Variants in ACSL5 observed in about 807,000 individuals in gnomAD.
ACSL5 encodes the protein long-chain-fatty-acid--CoA ligase 5.
Under a neutral mutation model 84.9 loss-of-function variants are expected in ACSL5, and 50 were observed. That is an observed-to-expected ratio of 0.59 (90% CI 0.47 to 0.75). ACSL5 has a LOEUF of 0.75. Among genes scored for constraint, ACSL5 ranks in the 30% least tolerant of loss-of-function variants. ACSL5 has a pLI of 0.00. For synonymous variants in ACSL5, 280 were observed against 300.7 expected (o/e 0.93, Z 0.71); for missense variants, 775 against 830.4 (o/e 0.93, Z 0.82).
At chr10:112,397,125 G>C (rs1843764204) in intron 2 of ACSL5, among the ~76,000 whole-genome samples, 2 of 151,586 alleles carry the variant, frequency 1.3e-5, no homozygotes, top group South Asian at 4.2e-4. Flanking sequence ...TGATCCTGTA[G>C]ATCCAGCTGA....
intron 6 of ACSL5, 56 bp from the exon 7 acceptor site, chr10:112,409,451 C>T: frequency 6.5e-7 from 1 of 1,538,004 alleles, no homozygotes; most frequent in Non-Finnish European, 8.9e-7. Context: ...TCTTGCAAGG[C>T]AATCAGGTAC....
At chr10:112,385,181 A>C (rs1487636828) in intron 1 of ACSL5, among the ~76,000 whole-genome samples, 1 of 152,240 alleles carries the variant, frequency 6.6e-6, no homozygotes, top group African/African-American at 2.4e-5. Context: ...TAACTCTTTT[A>C]ATCATGGTGA....
chr10:112,377,142 C>A (rs1849256690), intron 1 of ACSL5, among the ~76,000 whole-genome samples: 1 of 151,792 alleles, frequency 6.6e-6, no homozygotes, highest in East Asian at 1.9e-4. Flanking sequence ...GGCTTGGTAC[C>A]TTCTGAGATA....
At chr10:112,381,665 CAAAAA>C (rs35097669) in intron 1 of ACSL5, among the ~76,000 whole-genome samples, 9 of 104,802 alleles carry the variant, frequency 8.6e-5, no homozygotes, top group South Asian at 3.3e-4. Flanking sequence ...GAGACTGTCT[CAAAAA>C]AAAAAAAAAA....
chr10:112,412,299 C>G, intron 11 of ACSL5: 1 of 257,872 alleles, frequency 3.9e-6, no homozygotes, highest in Non-Finnish European at 7.3e-6. Context: ...ACATTGTCTT[C>G]TTTTTAAATT....
Position 112,427,663 on chromosome 10 carries a change from T to C in ACSL5, c.*305T>C, listed in dbSNP as rs1256063018. 2 of 193,104 alleles carry C rather than the reference T, an allele frequency of 1.0e-5. No homozygotes were observed. The highest frequency in any genetic ancestry group is 4.7e-5 in the African/African-American group (2 of 42,992). The allele number at this position is 193,104 out of a possible 1,614,324, so 12.0% of individuals were successfully genotyped here. A position where few individuals can be genotyped will look rare whatever the true frequency, so the allele number is the denominator to read the frequency against. ...CCTTCCTCATGATTTCCAACCTTAA[T>C]ACTATTAGTAACCACAAGTTCAAGG... is the stretch of plus-strand genomic sequence containing the variant. On this transcript the variant is annotated 3_prime_UTR_variant, in exon 21 of 21. Coordinates refer to ENST00000354655, the MANE Select transcript of ACSL5 (RefSeq NM_203379.2).
At chr10:112,415,845 A>G (rs1844301864) in intron 12 of ACSL5, among the ~76,000 whole-genome samples, 1 of 152,202 alleles carries the variant, frequency 6.6e-6, no homozygotes, top group Non-Finnish European at 1.5e-5. Context: ...TGAAAGCCAG[A>G]TAAGAGTTCA....
At chr10:112,385,566 T>G (rs1288926397) in intron 1 of ACSL5, among the ~76,000 whole-genome samples, 1 of 152,230 alleles carries the variant, frequency 6.6e-6, no homozygotes, top group African/African-American at 2.4e-5. Context: ...ATCTGCATTC[T>G]TAAGAACTAT....
At position 112,425,456 on chromosome 10, in the gene ACSL5, T is replaced by G; in HGVS notation, c.1712T>G (p.Ile571Ser). 6.2e-7 allele frequency: 1 copy of G among 1,612,722 alleles called. No individual in the cohort carries two copies. The highest frequency in any genetic ancestry group is 1.1e-5 in the South Asian group (1 of 90,824). Residue 571 changes from isoleucine to serine, a missense_variant, in exon 18 of 21, where the codon ATT becomes AGT. Coordinates refer to ENST00000354655, the MANE Select transcript of ACSL5 (RefSeq NM_203379.2). ...IYNRSQPVLQ[I>S]FVHGESLRSS... ...AACAGGAGTCAACCAGTGTTACAAA[T>G]TTTTGTACACGGGGAGAGCTTACGG...
intron 1 of ACSL5, chr10:112,376,368 G>A: frequency 1.2e-6 from 2 of 1,614,154 alleles, no homozygotes; most frequent in South Asian, 2.2e-5. Flanking sequence ...AAGAAGGACA[G>A]GGACTCGTGT....
chr10:112,409,198 T>C, intron 6 of ACSL5: 1 of 276,884 alleles, frequency 3.6e-6, no homozygotes, highest in South Asian at 1.0e-4. Flanking sequence ...AATAAAACAG[T>C]GATAGAACCA....
intron 11 of ACSL5, chr10:112,412,294 G>A (rs1589692161): frequency 7.3e-6 from 2 of 273,154 alleles, no homozygotes; most frequent in East Asian, 1.4e-4. Context: ...ACAAGACATT[G>A]TCTTCTTTTT....
At chr10:112,418,148 T>G (rs1336944889) in intron 14 of ACSL5, among the ~76,000 whole-genome samples, 2 of 152,222 alleles carry the variant, frequency 1.3e-5, no homozygotes, top group African/African-American at 4.8e-5. Flanking sequence ...TCTAAAACAC[T>G]TGTTAATGTT....
rs143690003 is a variant in ACSL5, at chr10:112,405,806, C to A, written c.432+1000C>A. Among the ~76,000 whole-genome samples the A allele has an allele frequency of 2.1e-3, 312 of 152,188 alleles. 1 individual carries two copies. The highest frequency in any genetic ancestry group is 7.2e-3 in the African/African-American group (299 of 41,520). On this transcript the variant is annotated intron_variant, in intron 5 of 20. Transcript: ENST00000354655. ...TGTATGTTATATGTATTGTATACTGCTTTCTTACAATATAGTAAGCTAGAG... is the reference window on the plus strand; with the variant it reads ...TGTATGTTATATGTATTGTATACTGATTTCTTACAATATAGTAAGCTAGAG...
intron 10 of ACSL5, 125 bp from the exon 11 acceptor site, chr10:112,411,777 C>T (rs1282099615): frequency 6.4e-6 from 6 of 942,004 alleles, no homozygotes; most frequent in Non-Finnish European, 1.0e-5. Flanking sequence ...CTCAGATCTA[C>T]ACAGTGTACC....
chr10:112,375,743 G>A (rs1849225088), intron 1 of ACSL5, among the ~76,000 whole-genome samples: 2 of 152,292 alleles, frequency 1.3e-5, no homozygotes, highest in East Asian at 1.9e-4. Flanking sequence ...TGTATCAGAG[G>A]GAAAGAAACC....
At chr10:112,422,067 C>A in intron 16 of ACSL5, 32 bp downstream of exon 16, 1 of 1,605,212 alleles carries the variant, frequency 6.2e-7, no homozygotes, top group African/African-American at 1.3e-5. Flanking sequence ...GTCAGACAGT[C>A]ATGGTGGGGA....
chr10:112,411,259 G>C, intron 9 of ACSL5, 197 bp from the exon 10 acceptor site: 3 of 580,124 alleles, frequency 5.2e-6, no homozygotes, highest in Non-Finnish European at 6.1e-6. Flanking sequence ...GAAGGCCAAC[G>C]ATGCATTCAG....
rs1227128905 is a variant in ACSL5 at position 112,376,441 on chromosome 10, C to T, written c.-30+2172C>T. ...TAGAAGCACTGAGAGATGCGGCCCC[C>T]TCGCAGGGTAAGGGGACCATCGAGG... On this transcript the variant is annotated intron_variant, in intron 1 of 20. Coordinates refer to ENST00000354655, the MANE Select transcript of ACSL5 (RefSeq NM_203379.2). 8 of 1,614,090 alleles carry T rather than the reference C, an allele frequency of 5.0e-6. No homozygotes were observed. The Middle Eastern group carries it at 4.9e-4, about 100-fold the overall frequency.
Sources: allele counts gnomAD v4.1 joint callset (sites outside exome capture counted in the v4.1 genomes callset), GRCh38; gene constraint gnomAD v4.1.1; transcripts MANE v1.5; gene names NCBI Gene and HGNC (gene_info 2026-07-23, HGNC 2026-07-21).